Variants in LOC122539214 observed in about 807,000 individuals in gnomAD.
At chr19:52,683,870 C>T in the LOC122539214 span, among the ~76,000 whole-genome samples, 1 of 152,210 alleles carries the variant, frequency 6.6e-6, no homozygotes, top group East Asian at 1.9e-4. Flanking sequence ...CTGCTGTTGT[C>T]CTGTGGCCAA....
the LOC122539214 span, among the ~76,000 whole-genome samples, chr19:52,671,720 G>A: frequency 6.6e-6 from 1 of 152,128 alleles, no homozygotes; most frequent in Non-Finnish European, 1.5e-5. Context: ...TGGGGTTACA[G>A]GCAAGCCACC....
At chr19:52,652,583 A>G in the LOC122539214 span, 353 of 431,554 alleles carry the variant, frequency 8.2e-4, 2 homozygotes, top group African/African-American at 5.9e-3. Context: ...GTATGAGTTC[A>G]CTGATGAACT....
chr19:52,656,208 G>GTCTCTC, the LOC122539214 span, among the ~76,000 whole-genome samples: 1 of 144,274 alleles, frequency 6.9e-6, no homozygotes, highest in Non-Finnish European at 1.5e-5. Flanking sequence ...GTGAGACTCC[G>GTCTCTC]TCTCTCTCTC....
the LOC122539214 span, among the ~76,000 whole-genome samples, chr19:52,676,639 A>G: frequency 2.7e-5 from 4 of 147,880 alleles, no homozygotes; most frequent in African/African-American, 1.0e-4. Flanking sequence ...CCAACAGCTC[A>G]TTGAGAACGG....
the LOC122539214 span, among the ~76,000 whole-genome samples, chr19:52,681,280 CAAAAAAAAAAA>C: frequency 2.4e-4 from 18 of 75,428 alleles, no homozygotes; most frequent in South Asian, 8.3e-3. Flanking sequence ...GAGACTTTCT[CAAAAAAAAAAA>C]AAAAAAAAAA....
At chr19:52,683,530 G>GCGCATCCCCTGCTGGT in the LOC122539214 span, among the ~76,000 whole-genome samples, 2 of 83,620 alleles carry the variant, frequency 2.4e-5, 1 homozygote, top group African/African-American at 1.5e-4. Context: ...CCAAAGGGAA[G>GCGCATCCCCTGCTGGT]GGCAAAGTCC....
the LOC122539214 span, among the ~76,000 whole-genome samples, chr19:52,683,100 C>T: frequency 6.6e-6 from 1 of 152,154 alleles, no homozygotes; most frequent in African/African-American, 2.4e-5. Flanking sequence ...AAACTCCTGA[C>T]TTCAAGTGAT....
chr19:52,661,813 T>TG, the LOC122539214 span, among the ~76,000 whole-genome samples: 1 of 152,062 alleles, frequency 6.6e-6, no homozygotes, highest in South Asian at 2.1e-4. Flanking sequence ...CAATGTCAAA[T>TG]GGGGCCTGTG....
At chr19:52,684,790 T>C in the LOC122539214 span, among the ~76,000 whole-genome samples, 2 of 151,714 alleles carry the variant, frequency 1.3e-5, no homozygotes, top group Non-Finnish European at 2.9e-5. Flanking sequence ...GGTTTTGGTG[T>C]TTGGGAAAAA....
the LOC122539214 span, among the ~76,000 whole-genome samples, chr19:52,671,867 C>A: frequency 6.6e-6 from 1 of 152,138 alleles, no homozygotes; most frequent in Non-Finnish European, 1.5e-5. Flanking sequence ...AGAGAAAGAT[C>A]ATGAAATATT....
the LOC122539214 span, among the ~76,000 whole-genome samples, chr19:52,666,263 GAGTC>G: frequency 3.3e-5 from 5 of 151,846 alleles, no homozygotes; most frequent in Non-Finnish European, 5.9e-5. Context: ...AAGAGACAGA[GAGTC>G]AGAAAAGAGA....
At chr19:52,683,806 C>A in the LOC122539214 span, among the ~76,000 whole-genome samples, 4 of 152,252 alleles carry the variant, frequency 2.6e-5, no homozygotes, top group African/African-American at 9.6e-5. Context: ...TTGCCCCAGC[C>A]CCTCAGTCTT....
At chr19:52,673,827 C>A in the LOC122539214 span, among the ~76,000 whole-genome samples, 1 of 151,314 alleles carries the variant, frequency 6.6e-6, no homozygotes, top group Admixed American at 6.6e-5. Flanking sequence ...CCAGCCTGGT[C>A]AACATGGTGC....
the LOC122539214 span, among the ~76,000 whole-genome samples, chr19:52,685,108 C>G: frequency 3.0e-4 from 45 of 152,158 alleles, no homozygotes; most frequent in Non-Finnish European, 8.8e-5. Context: ...ATTTAAAATT[C>G]TAGTTACAAC....
chr19:52,668,818 C>T, the LOC122539214 span, among the ~76,000 whole-genome samples: 8 of 152,174 alleles, frequency 5.3e-5, no homozygotes, highest in Non-Finnish European at 8.8e-5. Context: ...TCCAGTAGAC[C>T]AGGTGTGGGC....
the LOC122539214 span, among the ~76,000 whole-genome samples, chr19:52,658,513 C>T: frequency 2.0e-5 from 3 of 152,010 alleles, no homozygotes; most frequent in African/African-American, 4.8e-5. Context: ...TGGAGTAAGC[C>T]GAGATTGCAC....
chr19:52,668,524 G>A, the LOC122539214 span, among the ~76,000 whole-genome samples: 118,462 of 152,032 alleles, frequency 0.78, 46,490 homozygotes, highest in African/African-American at 0.87. Context: ...GGCTTCTTTA[G>A]GGTGTGCTTT....
chr19:52,656,484 C>T, the LOC122539214 span, among the ~76,000 whole-genome samples: 1 of 152,004 alleles, frequency 6.6e-6, no homozygotes, highest in Non-Finnish European at 1.5e-5. Context: ...GAGATGACAG[C>T]ACTGCACTCC....
the LOC122539214 span, among the ~76,000 whole-genome samples, chr19:52,671,524 C>T: frequency 6.6e-6 from 1 of 151,944 alleles, no homozygotes; most frequent in South Asian, 2.1e-4. Flanking sequence ...GCTCCTTGCA[C>T]CCTCAACCTC....
Sources: gnomAD v4.1 joint callset for allele counts (sites outside exome capture counted in the v4.1 genomes callset) on GRCh38, gnomAD v4.1.1 for gene constraint, MANE v1.5 for transcripts.